NRG3: variants seen among roughly 807,000 people sequenced by gnomAD.
NRG3 encodes pro-neuregulin-3, membrane-bound isoform.
Under a neutral mutation model 66.9 loss-of-function variants are expected in NRG3, and 31 were observed. That is an observed-to-expected ratio of 0.46 (90% CI 0.35 to 0.63). The LOEUF is 0.63. Ranked by LOEUF, NRG3 falls within the 20% of genes least tolerant of loss-of-function variation. The pLI, the probability that NRG3 is intolerant of heterozygous loss-of-function variation, is 0.00. For missense variants in NRG3, 910 were observed against 878.9 expected (o/e 1.04, Z -0.45); for synonymous variants, 393 against 359.4 (o/e 1.09, Z -1.06).
intron 4 of NRG3, among the ~76,000 whole-genome samples, chr10:82,931,177 A>C (rs1436574302): frequency 6.6e-6 from 1 of 152,174 alleles, no homozygotes; most frequent in Non-Finnish European, 1.5e-5. Flanking sequence ...GAAATTTGGG[A>C]GCCATGCCCG....
chr10:82,315,602 C>G (rs1205154230), intron 1 of NRG3, among the ~76,000 whole-genome samples: 1 of 151,702 alleles, frequency 6.6e-6, no homozygotes, highest in African/African-American at 2.4e-5. Context: ...TCTGCTAAAA[C>G]TGTATGATTA....
intron 1 of NRG3, among the ~76,000 whole-genome samples, chr10:82,050,991 A>T (rs532741223): frequency 6.6e-6 from 1 of 152,080 alleles, no homozygotes; most frequent in Admixed American, 6.6e-5. Context: ...GTTTTCTGGA[A>T]ATAGTGGGGA....
In NRG3 at chr10:82,123,642, G is replaced by T. The variant is rs140459753; in HGVS notation, c.824-235097G>T. On this transcript the variant is annotated intron_variant, in intron 1 of 8. Transcript: ENST00000372141. ...GGGAGCACCTGAAACTAGGATTGAAGAATTCAGTTCATCCAAAATTCTGTT... is the reference window on the plus strand; with the variant it reads ...GGGAGCACCTGAAACTAGGATTGAATAATTCAGTTCATCCAAAATTCTGTT... Among the ~76,000 whole-genome samples the T allele has an allele frequency of 7.4e-3, 1,123 of 152,300 alleles. 16 individuals are homozygous for T. The highest frequency in any genetic ancestry group is 0.026 in the African/African-American group (1,075 of 41,562).
At chr10:81,923,981 T>C (rs77711613) in intron 1 of NRG3, among the ~76,000 whole-genome samples, 3,433 of 152,228 alleles carry the variant, frequency 0.023, 59 homozygotes, top group Non-Finnish European at 0.032. Context: ...AGCACTGAAA[T>C]AGGTGCTCGT....
intron 1 of NRG3, among the ~76,000 whole-genome samples, chr10:81,925,820 A>G (rs930637744): frequency 3.3e-5 from 5 of 152,200 alleles, no homozygotes; most frequent in African/African-American, 1.2e-4. Context: ...TTTTGAAGAA[A>G]GGAACTTTGA....
intron 2 of NRG3, among the ~76,000 whole-genome samples, chr10:82,495,033 C>T (rs761782715): frequency 2.0e-5 from 3 of 150,124 alleles, no homozygotes; most frequent in South Asian, 2.1e-4. Context: ...CTCCACCTCC[C>T]GGGTTCAAGC....
intron 4 of NRG3, among the ~76,000 whole-genome samples, chr10:82,868,099 T>G (rs1258338392): frequency 1.3e-5 from 2 of 152,160 alleles, no homozygotes; most frequent in African/African-American, 2.4e-5. Flanking sequence ...AGATCCCCAG[T>G]GTAGCCATGG....
At chr10:82,019,229 G>A (rs2061939719) in intron 1 of NRG3, among the ~76,000 whole-genome samples, 1 of 152,138 alleles carries the variant, frequency 6.6e-6, no homozygotes, top group East Asian at 1.9e-4. Context: ...TTTATATACT[G>A]GATTACGTTT....
intron 1 of NRG3, among the ~76,000 whole-genome samples, chr10:82,127,108 A>G (rs571817207): frequency 6.6e-6 from 1 of 152,250 alleles, no homozygotes; most frequent in African/African-American, 2.4e-5. Flanking sequence ...AAGGAGATCC[A>G]TGGGCCATGC....
At chr10:82,557,952 C>A (rs952087751) in intron 2 of NRG3, among the ~76,000 whole-genome samples, 1 of 152,076 alleles carries the variant, frequency 6.6e-6, no homozygotes, top group Non-Finnish European at 1.5e-5. Context: ...ACAACACTCG[C>A]TACATTACAA....
At chr10:81,905,876 T>A (rs1372045557) in intron 1 of NRG3, among the ~76,000 whole-genome samples, 1 of 152,260 alleles carries the variant, frequency 6.6e-6, no homozygotes, top group African/African-American at 2.4e-5. Flanking sequence ...TCCAAATCTC[T>A]TGGGCCATCT....
At chr10:81,999,315 A>C (rs904789169) in intron 1 of NRG3, among the ~76,000 whole-genome samples, 2 of 152,222 alleles carry the variant, frequency 1.3e-5, no homozygotes, top group African/African-American at 4.8e-5. Flanking sequence ...AAATTTAAGA[A>C]GAACGATTTC....
intron 2 of NRG3, among the ~76,000 whole-genome samples, chr10:82,569,940 G>T (rs1490805649): frequency 1.3e-5 from 2 of 151,574 alleles, no homozygotes; most frequent in Non-Finnish European, 3.0e-5. Flanking sequence ...CAATTTTCCA[G>T]TGTTTATTTT....
chr10:82,517,928 A>G (rs1160112303), intron 2 of NRG3, among the ~76,000 whole-genome samples: 2 of 152,270 alleles, frequency 1.3e-5, no homozygotes, highest in South Asian at 2.1e-4. Flanking sequence ...TTAAACAGGG[A>G]CTTACATCCT....
chr10:82,349,953 C>T (rs566819322), intron 1 of NRG3, among the ~76,000 whole-genome samples: 3 of 152,124 alleles, frequency 2.0e-5, no homozygotes, highest in East Asian at 1.9e-4. Flanking sequence ...CACTGACCTG[C>T]GCCCACTGTC....
At chr10:82,635,631 G>A (rs1458031108) in intron 2 of NRG3, among the ~76,000 whole-genome samples, 2 of 152,102 alleles carry the variant, frequency 1.3e-5, no homozygotes, top group Non-Finnish European at 2.9e-5. Context: ...CCTCGACGTA[G>A]CAGAAGCTAA....
intron 1 of NRG3, among the ~76,000 whole-genome samples, chr10:82,348,516 C>T (rs1230090015): frequency 1.3e-5 from 2 of 149,826 alleles, no homozygotes; most frequent in Non-Finnish European, 1.5e-5. Context: ...TCCTTCATTT[C>T]AACTTTGGTG....
At chr10:82,757,781 T>C (rs966636296) in intron 3 of NRG3, among the ~76,000 whole-genome samples, 2 of 152,128 alleles carry the variant, frequency 1.3e-5, no homozygotes, top group Admixed American at 6.6e-5. Flanking sequence ...GCTCAATAAA[T>C]ATTTGTTGAA....
chr10:82,781,831 G>GA (rs2060128226), intron 3 of NRG3, among the ~76,000 whole-genome samples: 1 of 151,994 alleles, frequency 6.6e-6, no homozygotes, highest in African/African-American at 2.4e-5. Flanking sequence ...GGGCCGTAAG[G>GA]AAGTAAAAAT....
Sources: gnomAD v4.1 joint callset for allele counts (sites outside exome capture counted in the v4.1 genomes callset) on GRCh38, gnomAD v4.1.1 for gene constraint, MANE v1.5 for transcripts, NCBI Gene and HGNC (gene_info 2026-07-23, HGNC 2026-07-21) for gene names.